Variants in CERS4 observed in about 807,000 individuals in gnomAD.
CERS4 encodes the protein LAG1 homolog, ceramide synthase 4.
Under a neutral mutation model 51.8 loss-of-function variants are expected in CERS4, and 65 were observed. That is an observed-to-expected ratio of 1.26 (90% CI 1.03 to 1.54). The LOEUF (loss-of-function observed/expected upper bound fraction) is 1.54, where lower values mean the gene tolerates loss of function less well. Among genes scored for constraint, CERS4 ranks in the 40% most tolerant of loss-of-function variants. The pLI is 0.00. For missense variants in CERS4, 563 were observed against 500.4 expected, an observed-to-expected ratio of 1.13 and a Z score of -1.19; for synonymous variants, 228 against 208.4, an observed-to-expected ratio of 1.09 and a Z score of -0.81.
chr19:8,255,609 CCAGCTG>C lies in CERS4; in HGVS notation c.295_300del (p.Gln99_Leu100del), dbSNP rs1475495991. Reference sequence around the variant, plus strand: ...TGTCCTCATCACCCCCTCCCCAGCCCCAGCTGTCTCTCCTGGCCGCCCAGTGTGGCC... The same window carrying C: ...TGTCCTCATCACCCCCTCCCCAGCCCTCTCTCCTGGCCGCCCAGTGTGGCC... On this transcript the variant is annotated inframe_deletion, in exon 5 of 12. Coordinates refer to ENST00000251363, the MANE Select transcript of CERS4 (RefSeq NM_024552.3). 1.2e-5 allele frequency: 19 copies of C among 1,610,564 alleles called. No individual in the cohort carries two copies. Among genetic ancestry groups the C allele is most frequent in the Non-Finnish European group, 1.5e-5 (18 of 1,179,320 alleles).
intron 2 of CERS4, among the ~76,000 whole-genome samples, chr19:8,221,432 A>C (rs1388553088): frequency 6.6e-6 from 1 of 152,120 alleles, no homozygotes; most frequent in Non-Finnish European, 1.5e-5. Context: ...TAGCCTCTGC[A>C]CGTGATGCCA....
At position 8,221,887 on chromosome 19, in the gene CERS4, T is replaced by A. The variant is rs1470425392; in HGVS notation, c.-2+11025T>A. On this transcript the variant is annotated intron_variant, in intron 2 of 11. Coordinates refer to ENST00000251363, the MANE Select transcript of CERS4 (RefSeq NM_024552.3). ...ATTTTTTTATGTTTTTTTTTTTTTT[T>A]TTTTTTTTTTTTGAGACAGAGGCTT... 9.6e-4 allele frequency among the ~76,000 whole-genome samples: 109 copies of A among 113,258 alleles called. 1 individual carries two copies. Among genetic ancestry groups the A allele is most frequent in the African/African-American group, 3.4e-3 (106 of 30,726 alleles). 74.3% of individuals were successfully genotyped at this position (113,258 alleles called of 152,430 possible). A position where few individuals can be genotyped will look rare whatever the true frequency, so the allele number is the denominator to read the frequency against.
Position 8,254,521 on chromosome 19 carries a change from C to T in CERS4, c.196C>T (p.Arg66Trp), listed in dbSNP as rs144849055. 48 of 1,613,610 alleles carry T rather than the reference C, an allele frequency of 3.0e-5. No homozygotes were observed. The highest frequency in any genetic ancestry group is 1.7e-4 in the African/African-American group (13 of 74,898). Reference protein sequence around the residue: ...FERFIGLPLSRWLGVRDQTRR... With the variant: ...FERFIGLPLSWWLGVRDQTRR... ...CAGATTCATTGGCCTGCCCCTGAGC[C>T]GGTGGCTGGGTGTGAGGGATCAGAC... is the stretch of plus-strand genomic sequence containing the variant. Residue 66 changes from arginine to tryptophan, a missense_variant, in exon 4 of 12, where the codon CGG becomes TGG. By Grantham distance (101) the Arg-to-Trp change is moderately radical. Coordinates refer to ENST00000251363, the MANE Select transcript of CERS4 (RefSeq NM_024552.3).
chr19:8,256,355 C>T (rs1969381477), intron 7 of CERS4, 69 bp downstream of exon 7: 6 of 1,543,038 alleles, frequency 3.9e-6, no homozygotes, highest in African/African-American at 1.4e-5. Flanking sequence ...CAGCCATGGG[C>T]ATGGGACCCG....
rs74179480 is a variant in CERS4 at position 8,245,111 on chromosome 19, C to CAAAAAAAAA, written c.-1-5949_-1-5941dup. ...TGGGCGACCGAGCGAGACTCCATCT[C>CAAAAAAAAA]AAAAAAAAAAAAAAAAAAAAAAAAC... is the stretch of plus-strand genomic sequence containing the variant. On this transcript the variant is annotated intron_variant, in intron 2 of 11. Transcript: ENST00000251363. Among the ~76,000 whole-genome samples the CAAAAAAAAA allele has an allele frequency of 4.6e-3, 99 of 21,716 alleles. 4 individuals carry two copies. Among genetic ancestry groups the CAAAAAAAAA allele is most frequent in the African/African-American group, 9.8e-3 (95 of 9,696 alleles). The allele number at this position is 21,716 out of a possible 152,430, so 14.2% of individuals were successfully genotyped here.
At chr19:8,222,834 A>C (rs566571369) in intron 2 of CERS4, among the ~76,000 whole-genome samples, 1 of 152,280 alleles carries the variant, frequency 6.6e-6, no homozygotes, top group Admixed American at 6.6e-5. Flanking sequence ...TGAGTGCCTC[A>C]CAGCACAGGT....
rs200415997 is a variant in CERS4, at chr19:8,214,061, G to GTC, written c.-2+3200_-2+3201dup. Among the ~76,000 whole-genome samples, 137 of 149,610 alleles carry GTC rather than the reference G, an allele frequency of 9.2e-4. 6 individuals are homozygous for GTC. The East Asian group carries it at 0.026, about 28-fold the overall frequency. On this transcript the variant is annotated intron_variant, in intron 2 of 11. Coordinates refer to ENST00000251363, the MANE Select transcript of CERS4 (RefSeq NM_024552.3). ...TTTATACCTTTGTTAATAGGATGCT[G>GTC]TCACACACACACACACTGAACCGCC...
chr19:8,262,092 C>A lies in CERS4; in HGVS notation c.1168C>A (p.His390Asn). 6.7e-7 allele frequency: 1 copy of A among 1,503,676 alleles called. No homozygotes were observed. The highest frequency in any genetic ancestry group is 8.8e-7 in the Non-Finnish European group (1 of 1,130,980). 93.1% of individuals were successfully genotyped at this position (1,503,676 alleles called of 1,614,324 possible). A position where few individuals can be genotyped will look rare whatever the true frequency, so the allele number is the denominator to read the frequency against. The change falls in exon 12 of 12, where the codon CAC (histidine) becomes AAC (asparagine). Residue 390 changes from histidine to asparagine, a missense_variant. Transcript: ENST00000251363. ...GGTGGCCGGGCGTCTGACCAACAGGCACACAACAGCCACATAGCCGGGCGG... is the reference window on the plus strand; with the variant it reads ...GGTGGCCGGGCGTCTGACCAACAGGAACACAACAGCCACATAGCCGGGCGG... Reference protein sequence around the residue: ...SRVAGRLTNRHTTAT With the variant: ...SRVAGRLTNRNTTAT
At chr19:8,242,237 T>C (rs1968568030) in intron 2 of CERS4, among the ~76,000 whole-genome samples, 1 of 152,176 alleles carries the variant, frequency 6.6e-6, no homozygotes, top group African/African-American at 2.4e-5. Flanking sequence ...CAGCATCTTT[T>C]ATTTATGCTT....
intron 2 of CERS4, among the ~76,000 whole-genome samples, chr19:8,231,980 A>C (rs1394610655): frequency 1.4e-5 from 2 of 146,180 alleles, no homozygotes; most frequent in Admixed American, 7.0e-5. Flanking sequence ...GGCATGTACC[A>C]CCTCACCCAG....
chr19:8,244,655 C>T (rs926088788), intron 2 of CERS4, among the ~76,000 whole-genome samples: 7 of 152,138 alleles, frequency 4.6e-5, no homozygotes, highest in South Asian at 4.1e-4. Context: ...CTACGCCCTG[C>T]ATGGCAACCA....
intron 2 of CERS4, among the ~76,000 whole-genome samples, chr19:8,246,108 A>G (rs990219449): frequency 6.6e-6 from 1 of 150,914 alleles, no homozygotes; most frequent in Non-Finnish European, 1.5e-5. Flanking sequence ...ACAAAAAAAC[A>G]AAAAAACTGG....
chr19:8,226,326 G>A (rs550349450), intron 2 of CERS4, among the ~76,000 whole-genome samples: 2 of 152,276 alleles, frequency 1.3e-5, no homozygotes, highest in South Asian at 4.2e-4. Context: ...CAACGCTATT[G>A]GTCACTGGTG....
chr19:8,243,643 CTTCCT>C (rs1021442186), intron 2 of CERS4, among the ~76,000 whole-genome samples: 2 of 77,096 alleles, frequency 2.6e-5, no homozygotes, highest in Non-Finnish European at 5.5e-5. Flanking sequence ...TGTGCAGTCT[CTTCCT>C]TTTTTTTTTT....
intron 2 of CERS4, among the ~76,000 whole-genome samples, chr19:8,246,411 T>C (rs1968791012): frequency 6.6e-6 from 1 of 151,638 alleles, no homozygotes; most frequent in African/African-American, 2.4e-5. Flanking sequence ...TTTAAAACAT[T>C]AGCCAGTCAT....
At position 8,256,637 on chromosome 19, in the gene CERS4, A is replaced by G; in HGVS notation, c.539A>G (p.Tyr180Cys). The G allele has an allele frequency of 6.2e-7, 1 of 1,613,402 alleles. No individual in the cohort carries two copies. Among genetic ancestry groups the G allele is most frequent in the Middle Eastern group, 1.7e-4 (1 of 6,060 alleles). Reference sequence around the variant, plus strand: ...CTGCAGACTCTGAAGCCATCCCTGTACTGGTGGTACCTCTTGGAGCTGGGT... The same window carrying G: ...CTGCAGACTCTGAAGCCATCCCTGTGCTGGTGGTACCTCTTGGAGCTGGGT... ...YPNQTLKPSLYWWYLLELGFY... is the reference protein window; with the variant it reads ...YPNQTLKPSLCWWYLLELGFY... Residue 180 changes from tyrosine to cysteine, a missense_variant, in exon 8 of 12, where the codon TAC becomes TGC. Transcript: ENST00000251363.
At chr19:8,257,695 G>A (rs1969469526) in intron 9 of CERS4, among the ~76,000 whole-genome samples, 184 bp from the exon 10 acceptor site, 1 of 152,178 alleles carries the variant, frequency 6.6e-6, no homozygotes, top group Non-Finnish European at 1.5e-5. Flanking sequence ...CTCCCAAAGT[G>A]CTGGGATTAC....
chr19:8,261,883 C>G (rs1475657621), intron 11 of CERS4, 39 bp downstream of exon 11: 1 of 1,612,960 alleles, frequency 6.2e-7, no homozygotes, highest in Non-Finnish European at 8.5e-7. Context: ...GCCCTAAGCT[C>G]CTCCTTCCTC....
intron 2 of CERS4, among the ~76,000 whole-genome samples, chr19:8,215,775 A>G (rs1967275736): frequency 6.6e-6 from 1 of 151,974 alleles, no homozygotes; most frequent in Admixed American, 6.6e-5. Flanking sequence ...TGTCCCTGGC[A>G]CTCCTCTGTG....
Sources: gnomAD v4.1 joint callset for allele counts (sites outside exome capture counted in the v4.1 genomes callset) on GRCh38, gnomAD v4.1.1 for gene constraint, MANE v1.5 for transcripts, NCBI Gene and HGNC (gene_info 2026-07-23, HGNC 2026-07-21) for gene names.